Variants in TRIM5 observed in about 807,000 individuals in gnomAD.
TRIM5 encodes the protein tripartite motif containing 5, also known as tripartite motif-containing protein 5.
In TRIM5, 31 loss-of-function variants were observed where a neutral mutation model predicts 35.6. The observed-to-expected ratio is 0.87, with a 90% confidence interval of 0.65 to 1.18. TRIM5 has a LOEUF of 1.18. Ranked by LOEUF, TRIM5 falls within the 50% of genes most tolerant of loss-of-function variation. The pLI, the probability that TRIM5 is intolerant of heterozygous loss-of-function variation, is 0.00. For missense variants in TRIM5, 609 were observed against 591.6 expected (o/e 1.03, Z -0.31); for synonymous variants, 243 against 215.6 (o/e 1.13, Z -1.11).
intron 4 of TRIM5, among the ~76,000 whole-genome samples, chr11:5,675,426 T>C (rs952907434): frequency 6.6e-6 from 1 of 152,024 alleles, no homozygotes; most frequent in Non-Finnish European, 1.5e-5. Flanking sequence ...GTGATTTACC[T>C]GACCCCAGGA....
the TRIM5 span, among the ~76,000 whole-genome samples, chr11:5,629,852 C>T: frequency 2.0e-4 from 30 of 152,248 alleles, no homozygotes; most frequent in Admixed American, 1.7e-3. Flanking sequence ...GGACTACAGG[C>T]GCCCGCCGCC....
downstream of TRIM5, among the ~76,000 whole-genome samples, chr11:5,661,237 A>C (rs149384683): frequency 7.0e-3 from 1,066 of 152,080 alleles, 9 homozygotes; most frequent in African/African-American, 0.024. Context: ...CAAAGAAAAA[A>C]ACCAAAGAGA....
chr11:5,604,530 C>T, the TRIM5 span: 6 of 1,608,180 alleles, frequency 3.7e-6, no homozygotes, highest in African/African-American at 1.3e-5. Context: ...TTGTTTTCTT[C>T]AAGGAGAAGT....
At chr11:5,681,884 T>C (rs61363160) in intron 1 of TRIM5, among the ~76,000 whole-genome samples, 80,609 of 151,704 alleles carry the variant, frequency 0.53, 21,422 homozygotes, top group African/African-American at 0.53. Flanking sequence ...CCACAACCTC[T>C]GCCTCCCAGG....
the TRIM5 span, among the ~76,000 whole-genome samples, chr11:5,605,915 C>G: frequency 1.3e-5 from 2 of 152,144 alleles, no homozygotes; most frequent in Non-Finnish European, 2.9e-5. Context: ...GTGGGGTTCT[C>G]CTGTACATTG....
the TRIM5 span, among the ~76,000 whole-genome samples, chr11:5,635,346 C>A: frequency 6.6e-6 from 1 of 151,496 alleles, no homozygotes; most frequent in Admixed American, 6.6e-5. Flanking sequence ...AGCTCCGCCT[C>A]CCAGGTTCAC....
chr11:5,595,074 C>T, the TRIM5 span, among the ~76,000 whole-genome samples: 1 of 152,200 alleles, frequency 6.6e-6, no homozygotes, highest in African/African-American at 2.4e-5. Flanking sequence ...AATGACCTTT[C>T]ATTTGCCTGG....
the TRIM5 span, chr11:5,611,111 T>G: frequency 6.8e-6 from 11 of 1,614,154 alleles, no homozygotes; most frequent in Non-Finnish European, 9.3e-6. Flanking sequence ...ACCATGAATA[T>G]AGGGCCTATG....
chr11:5,643,388 A>C, the TRIM5 span: 10 of 1,614,140 alleles, frequency 6.2e-6, no homozygotes, highest in East Asian at 2.2e-4. Context: ...GAAGATGTGC[A>C]AATCGTCAAA....
the TRIM5 span, among the ~76,000 whole-genome samples, chr11:5,617,194 A>C: frequency 6.9e-6 from 1 of 145,170 alleles, no homozygotes. Flanking sequence ...AATTAGGGAA[A>C]TGGAGTCTAT....
At chr11:5,649,145 G>A in the TRIM5 span, among the ~76,000 whole-genome samples, 1 of 152,072 alleles carries the variant, frequency 6.6e-6, no homozygotes, top group Non-Finnish European at 1.5e-5. Flanking sequence ...AATATATTCA[G>A]TAGTGAAGGA....
the TRIM5 span, among the ~76,000 whole-genome samples, chr11:5,657,529 TA>T: frequency 7.5e-6 from 1 of 133,002 alleles, no homozygotes; most frequent in African/African-American, 2.9e-5. Context: ...GCATTATATA[TA>T]TTATTTATAT....
the TRIM5 span, among the ~76,000 whole-genome samples, chr11:5,636,613 T>C: frequency 6.6e-5 from 10 of 152,196 alleles, no homozygotes; most frequent in African/African-American, 2.2e-4. Context: ...AATCGCCACC[T>C]TCACAAAAGA....
At chr11:5,668,450 TTTTC>T (rs140151803) in intron 4 of TRIM5, among the ~76,000 whole-genome samples, 8,726 of 151,970 alleles carry the variant, frequency 0.057, 716 homozygotes, top group African/African-American at 0.18. Context: ...GTATAGATAT[TTTTC>T]TTTCTTTCTT....
At chr11:5,642,426 A>C in the TRIM5 span, 1 of 1,613,432 alleles carries the variant, frequency 6.2e-7, no homozygotes, top group Non-Finnish European at 8.5e-7. Context: ...TGGAGGCTGA[A>C]AAAGCCAAAA....
chr11:5,595,903 A>G, the TRIM5 span, among the ~76,000 whole-genome samples: 1 of 151,952 alleles, frequency 6.6e-6, no homozygotes, highest in Non-Finnish European at 1.5e-5. Flanking sequence ...GGATGGTCTC[A>G]ATCTCCTGAC....
the TRIM5 span, among the ~76,000 whole-genome samples, chr11:5,648,166 A>T: frequency 6.6e-6 from 1 of 152,160 alleles, no homozygotes; most frequent in African/African-American, 2.4e-5. Flanking sequence ...TCACTTTATG[A>T]TGCCATCCAC....
chr11:5,668,084 T>C (rs549246596), intron 4 of TRIM5, among the ~76,000 whole-genome samples: 11 of 152,122 alleles, frequency 7.2e-5, no homozygotes, highest in Non-Finnish European at 1.5e-4. Context: ...CTAGGCAACA[T>C]AGCATGACCG....
the TRIM5 span, among the ~76,000 whole-genome samples, chr11:5,616,388 T>C: frequency 4.8e-5 from 7 of 146,082 alleles, 1 homozygote; most frequent in African/African-American, 1.7e-4. Flanking sequence ...ATCTTCATTT[T>C]TCCCAACAAG....
Sources: gnomAD v4.1 joint callset for allele counts (sites outside exome capture counted in the v4.1 genomes callset) on GRCh38, gnomAD v4.1.1 for gene constraint, MANE v1.5 for transcripts, NCBI Gene and HGNC (gene_info 2026-07-23, HGNC 2026-07-21) for gene names.